ZNF143: variants seen among roughly 807,000 people sequenced by gnomAD.
ZNF143 encodes zinc finger protein 143.
ZNF143 carries 49 observed loss-of-function variants against 74.1 expected under a neutral mutation model. That is an observed-to-expected ratio of 0.66 (90% CI 0.53 to 0.84). ZNF143 has a LOEUF of 0.84. Ranked by LOEUF, ZNF143 falls within the 40% of genes least tolerant of loss-of-function variation. ZNF143 has a pLI of 0.00. For synonymous variants in ZNF143, 304 were observed against 282.8 expected (o/e 1.07, Z -0.75); for missense variants, 637 against 793.4 (o/e 0.80, Z 2.37).
chr11:9,481,885 C>CAA (rs572870014), intron 7 of ZNF143, among the ~76,000 whole-genome samples: 1 of 111,334 alleles, frequency 9.0e-6, no homozygotes. Context: ...GAGACTGTCT[C>CAA]AAAAAAAAAA....
intron 7 of ZNF143, among the ~76,000 whole-genome samples, chr11:9,484,996 A>C (rs951981924): frequency 6.8e-6 from 1 of 148,064 alleles, no homozygotes; most frequent in Non-Finnish European, 1.5e-5. Context: ...ACAGGGTTTC[A>C]CTGTGTTAGC....
intron 7 of ZNF143, among the ~76,000 whole-genome samples, chr11:9,486,387 A>ATATTATAT (rs1491455973): frequency 7.8e-4 from 14 of 18,006 alleles, no homozygotes; most frequent in Non-Finnish European, 1.4e-3. Flanking sequence ...TTATATATAT[A>ATATTATAT]ATATATATAA....
intron 12 of ZNF143, among the ~76,000 whole-genome samples, chr11:9,510,858 CT>C (rs1206183495): frequency 6.6e-6 from 1 of 152,026 alleles, no homozygotes; most frequent in Non-Finnish European, 1.5e-5. Context: ...TGTTTACTTA[CT>C]GGTTCTTTAT....
chr11:9,472,287 C>G (rs1384332716), intron 2 of ZNF143, among the ~76,000 whole-genome samples: 1 of 149,020 alleles, frequency 6.7e-6, no homozygotes, highest in Non-Finnish European at 1.5e-5. Context: ...GAGTCTGGCT[C>G]TGTCGCCCAG....
intron 7 of ZNF143, among the ~76,000 whole-genome samples, chr11:9,485,523 T>A (rs1416820985): frequency 4.0e-5 from 6 of 151,282 alleles, no homozygotes; most frequent in Admixed American, 3.9e-4. Context: ...AGTTTTTGTA[T>A]TTTTAGTAGA....
intron 3 of ZNF143, among the ~76,000 whole-genome samples, chr11:9,473,391 C>A (rs1343082818): frequency 2.6e-3 from 334 of 127,318 alleles, no homozygotes; most frequent in South Asian, 4.2e-3. Context: ...AACTCTGTCT[C>A]AAAAAAAAAA....
In ZNF143 at chr11:9,463,130, C is replaced by T. The variant is rs544192683; in HGVS notation, c.-8+2054C>T. On this transcript the variant is annotated intron_variant, in intron 1 of 15. Coordinates refer to ENST00000396602, the MANE Select transcript of ZNF143 (RefSeq NM_003442.6). ...TGTGTCAATACTTTATTTTTATTGCCAAATGATATTTCATTGTATGAACAT... is the reference window on the plus strand; with the variant it reads ...TGTGTCAATACTTTATTTTTATTGCTAAATGATATTTCATTGTATGAACAT... 4.5e-4 allele frequency among the ~76,000 whole-genome samples: 69 copies of T among 152,260 alleles called. No homozygotes were observed. In the South Asian group the frequency reaches 0.014, roughly 31 times the overall value.
chr11:9,518,981 T>C (rs992108114), intron 14 of ZNF143, among the ~76,000 whole-genome samples: 5 of 152,222 alleles, frequency 3.3e-5, no homozygotes, highest in Non-Finnish European at 7.3e-5. Flanking sequence ...CTGTTTTTCA[T>C]ATTTGCCTGC....
chr11:9,492,725 T>A (rs1236423563), intron 7 of ZNF143, among the ~76,000 whole-genome samples: 1 of 152,224 alleles, frequency 6.6e-6, no homozygotes, highest in Non-Finnish European at 1.5e-5. Context: ...TTTATAAATC[T>A]TGTGACATTT....
At chr11:9,487,138 T>C (rs1411644471) in intron 7 of ZNF143, among the ~76,000 whole-genome samples, 1 of 150,724 alleles carries the variant, frequency 6.6e-6, no homozygotes, top group Non-Finnish European at 1.5e-5. Context: ...GGCTAATTTT[T>C]GTATTTTTAA....
chr11:9,477,161 T>TCCTC (rs1491194695), intron 5 of ZNF143, among the ~76,000 whole-genome samples: 1 of 131,650 alleles, frequency 7.6e-6, no homozygotes, highest in Non-Finnish European at 1.6e-5. Flanking sequence ...CTTCCTTCCT[T>TCCTC]CCTTCCTTCC....
chr11:9,466,336 C>T (rs1457372316), intron 1 of ZNF143, among the ~76,000 whole-genome samples: 1 of 150,566 alleles, frequency 6.6e-6, no homozygotes, highest in Admixed American at 6.7e-5. Flanking sequence ...GCTCTTGTTG[C>T]CCAGGCTGGA....
chr11:9,464,728 C>T (rs755303491), intron 1 of ZNF143, among the ~76,000 whole-genome samples: 8 of 151,602 alleles, frequency 5.3e-5, no homozygotes, highest in South Asian at 2.1e-4. Context: ...AAGATGAGCC[C>T]GACCAACATG....
chr11:9,486,304 C>G (rs1847468893), intron 7 of ZNF143, among the ~76,000 whole-genome samples: 1 of 115,102 alleles, frequency 8.7e-6, no homozygotes, highest in Non-Finnish European at 1.7e-5. Flanking sequence ...GGAATTTGCA[C>G]CTCCTTAGAA....
In ZNF143 at chr11:9,466,808, G is replaced by A. The variant is rs964792408; in HGVS notation, c.-7-4494G>A. Among the ~76,000 whole-genome samples the A allele has an allele frequency of 8.6e-5, 13 of 151,950 alleles. 1 individual carries two copies. The highest frequency in any genetic ancestry group is 7.2e-4 in the Admixed American group (11 of 15,244). On this transcript the variant is annotated intron_variant, in intron 1 of 15. Coordinates refer to ENST00000396602, the MANE Select transcript of ZNF143 (RefSeq NM_003442.6). ...CTGACTGTTTTTAGACTGAAACGATGAGAATATGGTGCAGAGAGCAGTAAA... is the reference window on the plus strand; with the variant it reads ...CTGACTGTTTTTAGACTGAAACGATAAGAATATGGTGCAGAGAGCAGTAAA...
chr11:9,480,948 A>T (rs185810541), intron 7 of ZNF143, among the ~76,000 whole-genome samples: 1 of 152,188 alleles, frequency 6.6e-6, no homozygotes, highest in African/African-American at 2.4e-5. Flanking sequence ...TGAATAGCCA[A>T]TATTTCTGTT....
At chr11:9,527,283 A>G (rs982101132) in intron 15 of ZNF143, among the ~76,000 whole-genome samples, 2 of 152,304 alleles carry the variant, frequency 1.3e-5, no homozygotes, top group East Asian at 3.9e-4. Context: ...AGACCTCATC[A>G]TATCACCAGG....
intron 7 of ZNF143, among the ~76,000 whole-genome samples, chr11:9,489,369 A>G (rs1411409532): frequency 1.3e-5 from 2 of 152,170 alleles, no homozygotes; most frequent in Non-Finnish European, 2.9e-5. Context: ...CAGAGACCTC[A>G]GTAGTTCTCC....
chr11:9,519,301 G>A (rs1031843664), intron 14 of ZNF143, among the ~76,000 whole-genome samples: 1 of 151,378 alleles, frequency 6.6e-6, no homozygotes, highest in Admixed American at 6.6e-5. Context: ...AACCTCCCGC[G>A]CCTGGCTAAT....
Sources: allele counts gnomAD v4.1 joint callset (sites outside exome capture counted in the v4.1 genomes callset), GRCh38; gene constraint gnomAD v4.1.1; transcripts MANE v1.5; gene names NCBI Gene and HGNC (gene_info 2026-07-23, HGNC 2026-07-21).